Variants in RNF19A observed in about 807,000 individuals in gnomAD.
RNF19A encodes E3 ubiquitin-protein ligase RNF19A.
A neutral mutation model predicts 75.7 loss-of-function variants in RNF19A; 32 were observed. That is an observed-to-expected ratio of 0.42 (90% confidence interval 0.32 to 0.57). RNF19A has a LOEUF of 0.57. RNF19A is among the 20% of genes least tolerant of loss of function. The probability of loss-of-function intolerance (pLI) is 0.10; values close to 1 mark genes in which losing one functional copy is unlikely to be tolerated. For missense variants in RNF19A, 782 were observed against 1,036.3 expected (o/e 0.75, Z 3.37); for synonymous variants, 335 against 345.2 (o/e 0.97, Z 0.33).
At chr8:100,298,512 A>G (rs897535866) in intron 1 of RNF19A, among the ~76,000 whole-genome samples, 6 of 152,238 alleles carry the variant, frequency 3.9e-5, no homozygotes, top group African/African-American at 1.4e-4. Context: ...AATGCTTACC[A>G]AGACCCAGAT....
chr8:100,270,091 C>T, intron 3 of RNF19A, 78 bp from the exon 4 acceptor site: 1 of 1,221,954 alleles, frequency 8.2e-7, no homozygotes, highest in Non-Finnish European at 1.1e-6. Flanking sequence ...CCAATTGTAG[C>T]ACTGTCAAAA....
intron 1 of RNF19A, among the ~76,000 whole-genome samples, chr8:100,320,728 G>A (rs1660315): frequency 0.32 from 49,058 of 151,816 alleles, 8,566 homozygotes; most frequent in East Asian, 0.41. Context: ...AATAATACAC[G>A]TAAAGCATTT....
At chr8:100,280,885 AAATT>A (rs1820751064) in intron 2 of RNF19A, among the ~76,000 whole-genome samples, 1 of 152,190 alleles carries the variant, frequency 6.6e-6, no homozygotes, top group African/African-American at 2.4e-5. Flanking sequence ...AACAACTCTC[AAATT>A]ATAATGGAAG....
chr8:100,325,931 A>G lies in RNF19A; in HGVS notation c.-243+10177T>C, dbSNP rs1189295753. Among the ~76,000 whole-genome samples the G allele has an allele frequency of 6.6e-6, 1 of 152,240 alleles. No individual in the cohort carries two copies. Among genetic ancestry groups the G allele is most frequent in the Non-Finnish European group, 1.5e-5 (1 of 68,040 alleles). ...AGAGAAAACATATCAGACACAGTCC[A>G]TGTCTGAACACTCACAGAATTCAGG... On this transcript the variant is annotated intron_variant, in intron 1 of 3. Coordinates refer to the RNF19A transcript ENST00000519527. The surrounding 1 kb of genome is among the most constrained non-coding windows in gnomAD (Gnocchi z 4.3).
chr8:100,317,227 G>GCT lies in RNF19A; in HGVS notation c.-242-3857_-242-3856dup, dbSNP rs939926770. The stretch of plus-strand genomic sequence containing the variant: ...CCAGCCTTGGCCAGCCCAGAAAGGG[G>GCT]CTCTCACAGTGCAGTGGTGGGCTGA... On this transcript the variant is annotated intron_variant, in intron 1 of 3. Coordinates refer to the RNF19A transcript ENST00000519527. This position sits in a 1 kb window ranked among gnomAD's most constrained non-coding sequence, Gnocchi z 4.3. 6.6e-6 allele frequency among the ~76,000 whole-genome samples: 1 copy of GCT among 151,710 alleles called. No individual in the cohort carries two copies. The highest frequency in any genetic ancestry group is 2.4e-5 in the African/African-American group (1 of 41,364).
At position 100,261,692 on chromosome 8, in the gene RNF19A, A is replaced by G; in HGVS notation, c.1532T>C (p.Leu511Pro). Reference sequence around the variant, plus strand: ...TCCACTTGCACTCAAACTGCCAGTCAGCCCACCAACACTTCCCTCCCCTAT... The same window carrying G: ...TCCACTTGCACTCAAACTGCCAGTCGGCCCACCAACACTTCCCTCCCCTAT... Reference protein sequence around the residue: ...PSIGEGSVGGLTGSLSASGSH... With the variant: ...PSIGEGSVGGPTGSLSASGSH... Residue 511 changes from leucine (L) to proline (P), a missense_variant, in exon 8 of 10, where the codon CTG (leucine) becomes CCG (proline). Transcript: ENST00000341084. The surrounding 1 kb of genome is among the most constrained non-coding windows in gnomAD (Gnocchi z 4.4). The G allele has an allele frequency of 6.2e-7, 1 of 1,614,156 alleles. No homozygotes were observed. The highest frequency in any genetic ancestry group is 1.1e-5 in the South Asian group (1 of 91,076).
At chr8:100,278,398 T>A (rs1264135049) in intron 2 of RNF19A, among the ~76,000 whole-genome samples, 1 of 152,210 alleles carries the variant, frequency 6.6e-6, no homozygotes, top group Non-Finnish European at 1.5e-5. Flanking sequence ...ACAATAGAAA[T>A]CTTTTATATG....
chr8:100,291,222 A>G (rs1660328), intron 1 of RNF19A, among the ~76,000 whole-genome samples: 70,002 of 152,096 alleles, frequency 0.46, 17,040 homozygotes, highest in African/African-American at 0.63. Context: ...TAAGAATAAT[A>G]TGAAATTGAC....
intron 1 of RNF19A, 68 bp from the exon 2 acceptor site, chr8:100,288,335 T>C (rs1821129964): frequency 9.3e-7 from 1 of 1,078,312 alleles, no homozygotes; most frequent in Non-Finnish European, 1.2e-6. Flanking sequence ...TTTTTATAAA[T>C]ATGAAATTTC....
chr8:100,301,686 T>C (rs1333330957), intron 1 of RNF19A, among the ~76,000 whole-genome samples: 2 of 152,212 alleles, frequency 1.3e-5, no homozygotes, highest in Admixed American at 6.5e-5. Flanking sequence ...TCAGTAACTA[T>C]AAATAAGCAT....
Position 100,264,598 on chromosome 8 carries a change from T to TA in RNF19A, c.1306+72dup, listed in dbSNP as rs1036163632. The TA allele has an allele frequency of 3.8e-5, 38 of 995,888 alleles. No homozygotes were observed. The highest frequency in any genetic ancestry group is 1.1e-4 in the African/African-American group (7 of 61,272). The allele number at this position is 995,888 out of a possible 1,614,324, so 61.7% of individuals were successfully genotyped here. ...AATTGTCCTCAAATTAAAAAACAAT[T>TA]AAAAAAAATCCTTCCACAAAACTTT... is the stretch of plus-strand genomic sequence containing the variant. On this transcript the variant is annotated intron_variant, in intron 6 of 9. Coordinates refer to ENST00000341084, the MANE Select transcript of RNF19A (RefSeq NM_183419.4). This position sits in a 1 kb window ranked among gnomAD's most constrained non-coding sequence, Gnocchi z 4.7.
Position 100,300,247 on chromosome 8 carries a change from G to T in RNF19A, c.-94+9620C>A, listed in dbSNP as rs73282749. On this transcript the variant is annotated intron_variant, in intron 1 of 9. Transcript: ENST00000341084. Reference sequence around the variant, plus strand: ...AAATATTATTAACTGTATAAGGAAAGAAAAGGGAGTATTTTCTAAAGACAG... The same window carrying T: ...AAATATTATTAACTGTATAAGGAAATAAAAGGGAGTATTTTCTAAAGACAG... Among the ~76,000 whole-genome samples, 786 of 152,244 alleles carry T rather than the reference G, an allele frequency of 5.2e-3. 10 individuals are homozygous for T. The highest frequency in any genetic ancestry group is 0.019 in the African/African-American group (769 of 41,552).
rs541923022 is a variant in RNF19A at position 100,330,804 on chromosome 8, G to A, written c.-243+5304C>T. ...TCTCTCTCCTTCCCATGGCTTCTAA[G>A]GCCCAAGAAAACTTGGCCCTGCCCA... On this transcript the variant is annotated intron_variant, in intron 1 of 3. Coordinates refer to the RNF19A transcript ENST00000519527. This position sits in a 1 kb window ranked among gnomAD's most constrained non-coding sequence, Gnocchi z 4.1. Among the ~76,000 whole-genome samples the A allele has an allele frequency of 2.6e-5, 4 of 152,108 alleles. No homozygotes were observed. In the East Asian group the frequency reaches 7.7e-4, roughly 29 times the overall value.
At chr8:100,312,636 A>G (rs1822317636), upstream of RNF19A, among the ~76,000 whole-genome samples, 1 of 151,984 alleles carries the variant, frequency 6.6e-6, no homozygotes, top group African/African-American at 2.4e-5. Flanking sequence ...AGAAAGAAAG[A>G]AAGAAAACCG....
In RNF19A at chr8:100,258,864, C is replaced by T. The variant is rs1188738750; in HGVS notation, c.2209G>A (p.Glu737Lys). The T allele has an allele frequency of 1.9e-6, 3 of 1,614,130 alleles. No homozygotes were observed. Among genetic ancestry groups the T allele is most frequent in the South Asian group, 1.1e-5 (1 of 91,086 alleles). The change falls in exon 10 of 10, where the codon GAA (glutamate) becomes AAA (lysine). Residue 737 changes from glutamate to lysine, a missense_variant. Physicochemically the swap from Glu to Lys is moderately conservative, Grantham distance 56. This residue lies in a region of RNF19A where 442 missense variants were observed against 541.6 expected (regional missense o/e 0.82). Coordinates refer to ENST00000341084, the MANE Select transcript of RNF19A (RefSeq NM_183419.4). The surrounding 1 kb of genome is among the most constrained non-coding windows in gnomAD (Gnocchi z 4.3). ...HFSEFSCSDL[E>K]SMKTSCSHGS... is the part of the protein sequence containing the mutation. ...TGACTACAAGAAGTTTTCATGCTTTCTAGGTCAGAACAACTAAATTCAGAA... is the reference window on the plus strand; with the variant it reads ...TGACTACAAGAAGTTTTCATGCTTTTTAGGTCAGAACAACTAAATTCAGAA...
chr8:100,328,900 T>C (rs1822574948), intron 1 of RNF19A, among the ~76,000 whole-genome samples: 1 of 152,182 alleles, frequency 6.6e-6, no homozygotes, highest in Non-Finnish European at 1.5e-5. Context: ...CATAAGGGAA[T>C]AGGACCCCCA....
chr8:100,282,179 T>C (rs1820809191), intron 2 of RNF19A, among the ~76,000 whole-genome samples: 1 of 152,196 alleles, frequency 6.6e-6, no homozygotes, highest in Admixed American at 6.5e-5. Flanking sequence ...ATGTCTCCTG[T>C]GTCATACATT....
In RNF19A at chr8:100,322,318, C is replaced by T. The variant is rs1822475621; in HGVS notation, c.-242-8946G>A. ...TCTACATCAGCACTTCCTGCTTCAC[C>T]TTGTACTTTCATGGCACAAAACAAA... On this transcript the variant is annotated intron_variant, in intron 1 of 3. Coordinates refer to the RNF19A transcript ENST00000519527. The surrounding 1 kb of genome is among the most constrained non-coding windows in gnomAD (Gnocchi z 5.1). Among the ~76,000 whole-genome samples the T allele has an allele frequency of 6.6e-6, 1 of 152,250 alleles. No homozygotes were observed.
rs1822473558 is a variant in RNF19A at position 100,322,151 on chromosome 8, C to A, written c.-242-8779G>T. ...TCTCCTTTGAAGCTTTGAAGCCAAG[C>A]ATTGACTTCTCCTCTCTATGAAGTC... On this transcript the variant is annotated intron_variant, in intron 1 of 3. Coordinates refer to the RNF19A transcript ENST00000519527. This position sits in a 1 kb window ranked among gnomAD's most constrained non-coding sequence, Gnocchi z 5.1. Among the ~76,000 whole-genome samples the A allele has an allele frequency of 1.3e-5, 2 of 152,224 alleles. No homozygotes were observed. The highest frequency in any genetic ancestry group is 1.3e-4 in the Admixed American group (2 of 15,286).
Sources: allele counts gnomAD v4.1 joint callset (sites outside exome capture counted in the v4.1 genomes callset), GRCh38; gene constraint gnomAD v4.1.1; regional missense constraint gnomAD v4.1.1; non-coding constraint Gnocchi (gnomAD v3.1); transcripts MANE v1.5; gene names NCBI Gene and HGNC (gene_info 2026-07-23, HGNC 2026-07-21).